The following ARHGEF28 variants were observed in gnomAD, a reference collection of about 807,000 sequenced individuals.
ARHGEF28 encodes 190 kDa guanine nucleotide exchange factor.
Under a neutral mutation model 206.6 loss-of-function variants are expected in ARHGEF28, and 152 were observed. The observed-to-expected ratio is 0.74, with a 90% CI of 0.64 to 0.84. The LOEUF (loss-of-function observed/expected upper bound fraction) is 0.84. Among genes scored for constraint, ARHGEF28 ranks in the 40% least tolerant of loss-of-function variants. The pLI is 0.00. For missense variants in ARHGEF28, 2,028 were observed against 2,073.2 expected (o/e 0.98, Z 0.42); for synonymous variants, 763 against 776.4 (o/e 0.98, Z 0.29).
intron 9 of ARHGEF28, among the ~76,000 whole-genome samples, chr5:73,821,153 G>A (rs1756562256): frequency 6.6e-6 from 1 of 152,006 alleles, no homozygotes; most frequent in South Asian, 2.1e-4. Context: ...AGTTGCTCAG[G>A]ATAATGAAAC....
chr5:73,861,821 A>T lies in ARHGEF28; in HGVS notation c.2048-2996A>T, dbSNP rs146947490. On this transcript the variant is annotated intron_variant, in intron 16 of 35. Coordinates refer to ENST00000513042, the MANE Select transcript of ARHGEF28 (RefSeq NM_001177693.2). ...GTATTTGATTTCCTCTTTTACCCAC[A>T]ACTTTTTTTAGAAGTAATTTCAAAA... Among the ~76,000 whole-genome samples the T allele has an allele frequency of 3.5e-3, 520 of 150,710 alleles. 13 individuals are homozygous for T. The highest frequency in any genetic ancestry group is 0.014 in the Middle Eastern group (4 of 294).
At chr5:73,678,183 T>C (rs968923953) in intron 1 of ARHGEF28, among the ~76,000 whole-genome samples, 8 of 152,220 alleles carry the variant, frequency 5.3e-5, no homozygotes, top group Non-Finnish European at 1.0e-4. Context: ...TTCCTGGTTT[T>C]ATTGAGTATA....
At chr5:73,818,191 C>A (rs111497036) in intron 9 of ARHGEF28, among the ~76,000 whole-genome samples, 6 of 151,908 alleles carry the variant, frequency 3.9e-5, no homozygotes, top group African/African-American at 9.7e-5. Context: ...ATTAGGCATG[C>A]GGGGAATGGA....
At chr5:73,815,535 C>T (rs1196163013) in intron 9 of ARHGEF28, among the ~76,000 whole-genome samples, 1 of 152,062 alleles carries the variant, frequency 6.6e-6, no homozygotes, top group Non-Finnish European at 1.5e-5. Context: ...TAGAGTCTAC[C>T]AAATCTCTGT....
At chr5:73,669,423 G>A (rs1185008221) in intron 1 of ARHGEF28, among the ~76,000 whole-genome samples, 3 of 152,106 alleles carry the variant, frequency 2.0e-5, no homozygotes, top group Non-Finnish European at 4.4e-5. Context: ...GAGATACTTT[G>A]TATACTCTGC....
chr5:73,646,197 C>T lies in ARHGEF28; in HGVS notation c.-12+19875C>T, dbSNP rs1744411097. ...CCCTGGGATGATTTTACCTGTTGCACAGGCTTTAATTCTGACACATCCTCT... is the reference window on the plus strand; with the variant it reads ...CCCTGGGATGATTTTACCTGTTGCATAGGCTTTAATTCTGACACATCCTCT... On this transcript the variant is annotated intron_variant, in intron 1 of 35. Transcript: ENST00000513042. Among the ~76,000 whole-genome samples, 3 of 152,186 alleles carry T rather than the reference C, an allele frequency of 2.0e-5. No individual in the cohort carries two copies. In the South Asian group the frequency reaches 6.2e-4, roughly 32 times the overall value.
chr5:73,795,461 A>G (rs1754745595), intron 9 of ARHGEF28, 70 bp downstream of exon 9: 1 of 1,340,416 alleles, frequency 7.5e-7, no homozygotes, highest in East Asian at 2.3e-5. Flanking sequence ...GACAAGAAGC[A>G]AGTAAATTTT....
chr5:73,894,403 T>C lies in ARHGEF28; in HGVS notation c.3669T>C (p.Thr1223=). The change falls in exon 29 of 36, where the codon ACT becomes ACC. Residue 1223 remains threonine (T), a synonymous_variant. Transcript: ENST00000513042. ...AKIQQCQEIL[T]NQDQQICAYL... ...AATACTATTTCATAGAAATACTCACTAACCAAGACCAACAAATTTGTGCGT... is the reference window on the plus strand; with the variant it reads ...AATACTATTTCATAGAAATACTCACCAACCAAGACCAACAAATTTGTGCGT... The C allele has an allele frequency of 1.2e-6, 2 of 1,610,168 alleles. No individual in the cohort carries two copies. Among genetic ancestry groups the C allele is most frequent in the Non-Finnish European group, 1.7e-6 (2 of 1,177,836 alleles).
chr5:73,721,998 C>T (rs1022298890), intron 2 of ARHGEF28, among the ~76,000 whole-genome samples: 2 of 152,142 alleles, frequency 1.3e-5, no homozygotes, highest in Non-Finnish European at 2.9e-5. Context: ...CAGGTTTAGG[C>T]ACACAATATC....
In ARHGEF28 at chr5:73,908,821, A is replaced by C. The variant is rs546124462; in HGVS notation, c.4162-591A>C. The C allele has an allele frequency of 2.0e-5, 3 of 152,340 alleles. No individual in the cohort carries two copies. The South Asian group carries it at 6.2e-4, about 32-fold the overall frequency. The allele number at this position is 152,340 out of a possible 1,614,324, so 9.4% of individuals were successfully genotyped here. ...GTAATGAGACTAGCTTTAGCCACTT[A>C]CATATCTCCTAAAAATGGTATTAAC... On this transcript the variant is annotated intron_variant, in intron 33 of 35. Coordinates refer to ENST00000513042, the MANE Select transcript of ARHGEF28 (RefSeq NM_001177693.2).
intron 1 of ARHGEF28, among the ~76,000 whole-genome samples, chr5:73,683,693 G>T (rs1373526778): frequency 6.6e-6 from 1 of 151,444 alleles, no homozygotes; most frequent in Non-Finnish European, 1.5e-5. Context: ...ACAGTGGGCT[G>T]CATCCTACCC....
intron 2 of ARHGEF28, among the ~76,000 whole-genome samples, chr5:73,724,619 A>G (rs1265357982): frequency 6.6e-6 from 1 of 152,222 alleles, no homozygotes; most frequent in Non-Finnish European, 1.5e-5. Flanking sequence ...GCTGTAAAAG[A>G]TAACATTTCC....
At chr5:73,873,298 C>A in intron 22 of ARHGEF28, 52 bp downstream of exon 22, 1 of 1,544,424 alleles carries the variant, frequency 6.5e-7, no homozygotes, top group East Asian at 2.3e-5. Context: ...GGATTTGAAT[C>A]AAAATCTGCC....
At chr5:73,840,263 G>A (rs774155999) in intron 10 of ARHGEF28, among the ~76,000 whole-genome samples, 29 of 152,010 alleles carry the variant, frequency 1.9e-4, no homozygotes, top group Non-Finnish European at 1.2e-4. Context: ...ACAGGCGCCC[G>A]CCACCACACC....
rs995696096 is a variant in ARHGEF28, at chr5:73,876,049, T to A, written c.2814+2803T>A. Reference sequence around the variant, plus strand: ...TCACGATATTGATTCTTCCTACCCATGAGCATAGAATGTTCTTCCATTTGT... The same window carrying A: ...TCACGATATTGATTCTTCCTACCCAAGAGCATAGAATGTTCTTCCATTTGT... On this transcript the variant is annotated intron_variant, in intron 22 of 35. Coordinates refer to ENST00000513042, the MANE Select transcript of ARHGEF28 (RefSeq NM_001177693.2). 2.2e-3 allele frequency among the ~76,000 whole-genome samples: 330 copies of A among 149,680 alleles called. 3 individuals carry two copies. Among genetic ancestry groups the A allele is most frequent in the African/African-American group, 7.9e-3 (318 of 40,386 alleles).
chr5:73,701,217 G>C (rs539034520), intron 2 of ARHGEF28, among the ~76,000 whole-genome samples: 1 of 152,236 alleles, frequency 6.6e-6, no homozygotes, highest in South Asian at 2.1e-4. Context: ...TTTGAAGTGG[G>C]AACACCTTAT....
chr5:73,891,725 A>G (rs1761649864), intron 26 of ARHGEF28, among the ~76,000 whole-genome samples: 1 of 152,030 alleles, frequency 6.6e-6, no homozygotes, highest in African/African-American at 2.4e-5. Context: ...GGGTTTCACC[A>G]CATTGGCCAG....
chr5:73,846,351 A>C lies in ARHGEF28; in HGVS notation c.1511A>C (p.Gln504Pro). Reference protein sequence around the residue: ...PSHICYTPGSQSSSRTGIPSG... With the variant: ...PSHICYTPGSPSSSRTGIPSG... The stretch of plus-strand genomic sequence containing the variant: ...CACATCTGTTACACTCCAGGGTCTC[A>C]GAGCTCCTCAAGAACTGGGATTCCT... Residue 504 changes from glutamine (Q) to proline (P), a missense_variant, in exon 12 of 36, where the codon CAG becomes CCG. Coordinates refer to ENST00000513042, the MANE Select transcript of ARHGEF28 (RefSeq NM_001177693.2). 1 of 1,613,912 alleles carries C rather than the reference A, an allele frequency of 6.2e-7. No individual in the cohort carries two copies. Among genetic ancestry groups the C allele is most frequent in the East Asian group, 2.2e-5 (1 of 44,860 alleles).
chr5:73,638,832 C>T (rs1743883182), intron 1 of ARHGEF28, among the ~76,000 whole-genome samples: 2 of 152,164 alleles, frequency 1.3e-5, no homozygotes, highest in African/African-American at 4.8e-5. Context: ...TATCACGTCT[C>T]AATAATTTCC....
Sources: gnomAD v4.1 joint callset for allele counts (sites outside exome capture counted in the v4.1 genomes callset) on GRCh38, gnomAD v4.1.1 for gene constraint, MANE v1.5 for transcripts, NCBI Gene and HGNC (gene_info 2026-07-23, HGNC 2026-07-21) for gene names.